SGMS1: variants seen among roughly 807,000 people sequenced by gnomAD.
The protein encoded by SGMS1 is sphingomyelin synthase 1.
A neutral mutation model predicts 46.2 loss-of-function variants in SGMS1; 13 were observed. The observed-to-expected ratio is 0.28, with a 90% CI of 0.18 to 0.45. SGMS1 has a LOEUF of 0.45. Ranked by LOEUF, SGMS1 falls within the 20% of genes least tolerant of loss-of-function variation. SGMS1 has a pLI of 1.00. For synonymous variants in SGMS1, 203 were observed against 187.8 expected, an observed-to-expected ratio of 1.08 and a Z score of -0.66; for missense variants, 324 against 519.9, an observed-to-expected ratio of 0.62 and a Z score of 3.66.
At chr10:50,372,471 G>C (rs924789030) in intron 6 of SGMS1, among the ~76,000 whole-genome samples, 2 of 152,138 alleles carry the variant, frequency 1.3e-5, no homozygotes, top group African/African-American at 2.4e-5. Context: ...GGGGAGGGTG[G>C]ATCACGAGGT....
rs182687621 is a variant in SGMS1 at position 50,367,394 on chromosome 10, T to C, written c.-231-23049A>G. On this transcript the variant is annotated intron_variant, in intron 6 of 10. Transcript: ENST00000361781. ...ATAGCTACAAAAGATCAAACTATTT[T>C]CAGACTAGAGAACATGCAAAGGGAT... 2.6e-5 allele frequency among the ~76,000 whole-genome samples: 4 copies of C among 152,328 alleles called. No homozygotes were observed. In the East Asian group the frequency reaches 7.7e-4, roughly 29 times the overall value.
chr10:50,354,071 A>T (rs1370914615), intron 6 of SGMS1, among the ~76,000 whole-genome samples: 1 of 150,996 alleles, frequency 6.6e-6, no homozygotes, highest in Non-Finnish European at 1.5e-5. Flanking sequence ...GACTTTCTTC[A>T]CAGAATTGGA....
At chr10:50,614,482 A>G (rs1456029796) in intron 1 of SGMS1, among the ~76,000 whole-genome samples, 1 of 152,200 alleles carries the variant, frequency 6.6e-6, no homozygotes, top group Non-Finnish European at 1.5e-5. Flanking sequence ...GGCACTGCTG[A>G]TGGCAGTGGT....
intron 8 of SGMS1, among the ~76,000 whole-genome samples, chr10:50,321,368 A>G (rs59489230): frequency 0.034 from 5,111 of 152,318 alleles, 96 homozygotes; most frequent in South Asian, 0.068. Flanking sequence ...ATATCTTTAA[A>G]GAATGTATGG....
chr10:50,487,740 A>G (rs895349404), intron 3 of SGMS1, among the ~76,000 whole-genome samples: 101 of 151,896 alleles, frequency 6.6e-4, no homozygotes, highest in African/African-American at 2.2e-3. Context: ...ACCTGTCCTC[A>G]CTTCCATTTT....
chr10:50,323,732 C>T (rs1244893221), intron 8 of SGMS1, among the ~76,000 whole-genome samples: 2 of 152,120 alleles, frequency 1.3e-5, no homozygotes, highest in African/African-American at 4.8e-5. Context: ...TAAAATCCAG[C>T]CCTTGGAATC....
intron 4 of SGMS1, among the ~76,000 whole-genome samples, chr10:50,466,354 A>G (rs1837329333): frequency 1.3e-5 from 2 of 152,090 alleles, no homozygotes; most frequent in South Asian, 4.1e-4. Flanking sequence ...AGGAAGGGAG[A>G]AAGACTTAAG....
intron 3 of SGMS1, among the ~76,000 whole-genome samples, chr10:50,498,798 C>A (rs1234926765): frequency 6.6e-6 from 1 of 152,164 alleles, no homozygotes; most frequent in Non-Finnish European, 1.5e-5. Flanking sequence ...TCTTCAAGAA[C>A]CTGCTTTCAA....
chr10:50,340,025 G>A (rs1475304084), intron 7 of SGMS1, among the ~76,000 whole-genome samples: 5 of 152,160 alleles, frequency 3.3e-5, no homozygotes, highest in Admixed American at 3.3e-4. Context: ...GTGACTATCT[G>A]GATAAAAGGA....
chr10:50,478,409 T>C (rs920353636), intron 3 of SGMS1, among the ~76,000 whole-genome samples: 1 of 152,208 alleles, frequency 6.6e-6, no homozygotes, highest in South Asian at 2.1e-4. Flanking sequence ...AATTTCTAAA[T>C]CCTTAAAACC....
intron 1 of SGMS1, among the ~76,000 whole-genome samples, chr10:50,608,447 G>A (rs1168534989): frequency 6.6e-6 from 1 of 152,176 alleles, no homozygotes; most frequent in Non-Finnish European, 1.5e-5. Context: ...GTGCAGAGCA[G>A]CCTTGGGCGG....
intron 1 of SGMS1, among the ~76,000 whole-genome samples, chr10:50,595,007 T>C (rs1055963675): frequency 2.6e-5 from 4 of 152,134 alleles, no homozygotes; most frequent in Admixed American, 2.0e-4. Context: ...AACAAGGATT[T>C]AAACCCAAGC....
At chr10:50,525,473 C>T (rs1281820311) in intron 2 of SGMS1, among the ~76,000 whole-genome samples, 1 of 152,166 alleles carries the variant, frequency 6.6e-6, no homozygotes, top group East Asian at 1.9e-4. Context: ...GCAGGTTACC[C>T]TTCTTCACTG....
intron 7 of SGMS1, among the ~76,000 whole-genome samples, chr10:50,330,294 A>AAAAC (rs1847599853): frequency 2.6e-5 from 1 of 39,208 alleles, no homozygotes; most frequent in South Asian, 1.6e-3. Context: ...TCTCTACTAA[A>AAAAC]AAACAAAACA....
At chr10:50,549,644 A>C (rs3011789) in intron 2 of SGMS1, among the ~76,000 whole-genome samples, 26,444 of 152,160 alleles carry the variant, frequency 0.17, 2,983 homozygotes, top group Non-Finnish European at 0.26. Flanking sequence ...ACCATGGCAC[A>C]CGTTTACCTA....
At chr10:50,502,002 C>G (rs1837665670) in intron 3 of SGMS1, among the ~76,000 whole-genome samples, 1 of 151,928 alleles carries the variant, frequency 6.6e-6, no homozygotes. Context: ...TTTCTTTGAG[C>G]AGAGGGCCTC....
rs555550551 is a variant in SGMS1, at chr10:50,547,794, G to C, written c.-588-27873C>G. Among the ~76,000 whole-genome samples, 4 of 152,122 alleles carry C rather than the reference G, an allele frequency of 2.6e-5. No homozygotes were observed. In the East Asian group the frequency reaches 7.7e-4, roughly 29 times the overall value. ...TGAACATTGATGCAAAAATCCTCAAGAAAATACCGGCAAACCAAATCCAGC... is the reference window on the plus strand; with the variant it reads ...TGAACATTGATGCAAAAATCCTCAACAAAATACCGGCAAACCAAATCCAGC... On this transcript the variant is annotated intron_variant, in intron 2 of 10. Coordinates refer to ENST00000361781, the MANE Select transcript of SGMS1 (RefSeq NM_147156.4).
chr10:50,558,758 G>A (rs1327138372), intron 2 of SGMS1, among the ~76,000 whole-genome samples: 1 of 152,066 alleles, frequency 6.6e-6, no homozygotes, highest in Non-Finnish European at 1.5e-5. Context: ...ACTTTATGAT[G>A]ATCCACTTCC....
At chr10:50,600,771 G>A (rs1838642676) in intron 1 of SGMS1, among the ~76,000 whole-genome samples, 1 of 152,170 alleles carries the variant, frequency 6.6e-6, no homozygotes, top group Non-Finnish European at 1.5e-5. Flanking sequence ...TGGACACTAA[G>A]AACACGTTAA....
Sources: allele counts gnomAD v4.1 joint callset (sites outside exome capture counted in the v4.1 genomes callset), GRCh38; gene constraint gnomAD v4.1.1; transcripts MANE v1.5; gene names NCBI Gene and HGNC (gene_info 2026-07-23, HGNC 2026-07-21).